The following KAZN variants were observed in gnomAD, a reference collection of about 807,000 sequenced individuals.
KAZN encodes kazrin, periplakin interacting protein.
KAZN carries 40 observed loss-of-function variants against 87.4 expected under a neutral mutation model. That is an observed-to-expected ratio of 0.46 (90% CI 0.36 to 0.60). KAZN has a LOEUF of 0.60. Ranked by LOEUF, KAZN falls within the 20% of genes least tolerant of loss-of-function variation. The pLI is 0.00. For synonymous variants in KAZN, 466 were observed against 458.3 expected (o/e 1.02, Z -0.22); for missense variants, 898 against 1,073.9 (o/e 0.84, Z 2.29).
intron 2 of KAZN, among the ~76,000 whole-genome samples, chr1:14,456,765 C>T (rs1667588035): frequency 6.6e-6 from 1 of 152,078 alleles, no homozygotes; most frequent in South Asian, 2.1e-4. Context: ...GTTATATGCC[C>T]ACAGGTAAAA....
rs1639815022 is a variant in KAZN, at chr1:15,077,582, G to C, written c.1222+11829G>C. On this transcript the variant is annotated intron_variant, in intron 8 of 14. Coordinates refer to ENST00000376030, the MANE Select transcript of KAZN (RefSeq NM_201628.3). This position sits in a 1 kb window ranked among gnomAD's most constrained non-coding sequence, Gnocchi z 4.8. ...CTCCGCAAGGGCTACACAGGACCAG[G>C]TCAGCTGCTTGCAGCCACGTGACTC... Among the ~76,000 whole-genome samples, 1 of 152,206 alleles carries C rather than the reference G, an allele frequency of 6.6e-6. No homozygotes were observed. The highest frequency in any genetic ancestry group is 1.5e-5 in the Non-Finnish European group (1 of 68,036).
intron 1 of KAZN, among the ~76,000 whole-genome samples, chr1:14,031,695 T>A (rs1480817953): frequency 1.3e-5 from 2 of 152,212 alleles, no homozygotes; most frequent in African/African-American, 2.4e-5. Context: ...ATTTTGATAT[T>A]TTGACCAATT....
In KAZN at chr1:14,220,194, C is replaced by T. The variant is rs149392375; in HGVS notation, c.249+39602C>T. The stretch of plus-strand genomic sequence containing the variant: ...TATGCAGTTAACATGGAAGTATCTA[C>T]GACACTCTTGCCTGTAGGAGCTCCA... On this transcript the variant is annotated intron_variant, in intron 2 of 16. Coordinates refer to the KAZN transcript ENST00000636203. 2.2e-3 allele frequency among the ~76,000 whole-genome samples: 330 copies of T among 152,198 alleles called. 1 individual carries two copies. Among genetic ancestry groups the T allele is most frequent in the Middle Eastern group, 6.8e-3 (2 of 294 alleles).
At chr1:14,619,202 G>GTT (rs35156508) in intron 1 of KAZN, among the ~76,000 whole-genome samples, 5 of 146,192 alleles carry the variant, frequency 3.4e-5, no homozygotes, top group Non-Finnish European at 6.0e-5. Flanking sequence ...ATCATTCTTG[G>GTT]TTTTTTTTTT....
At chr1:14,329,834 T>G (rs1656716523) in intron 2 of KAZN, among the ~76,000 whole-genome samples, 1 of 152,268 alleles carries the variant, frequency 6.6e-6, no homozygotes, top group African/African-American at 2.4e-5. Flanking sequence ...TGGGATTCAT[T>G]GCTCAGTAAG....
At chr1:14,978,681 A>C (rs1263350919) in intron 2 of KAZN, among the ~76,000 whole-genome samples, 1 of 152,066 alleles carries the variant, frequency 6.6e-6, no homozygotes, top group Admixed American at 6.5e-5. Context: ...AGCGCATCTC[A>C]GCCTCTGTGT....
intron 1 of KAZN, among the ~76,000 whole-genome samples, chr1:14,092,370 C>A (rs1331410408): frequency 6.7e-6 from 1 of 150,286 alleles, no homozygotes; most frequent in African/African-American, 2.4e-5. Flanking sequence ...GGATTATAGG[C>A]GTGAGCCACC....
At chr1:14,915,829 C>T (rs910855831) in intron 1 of KAZN, among the ~76,000 whole-genome samples, 8 of 152,102 alleles carry the variant, frequency 5.3e-5, no homozygotes, top group Non-Finnish European at 8.8e-5. Context: ...TTGAATGAGC[C>T]GGAAAGCACA....
intron 2 of KAZN, among the ~76,000 whole-genome samples, chr1:15,016,723 T>C (rs1462953992): frequency 2.6e-5 from 4 of 152,154 alleles, no homozygotes; most frequent in Admixed American, 6.5e-5. Context: ...TGGCCTTCGC[T>C]TCTAGAAAAT....
At chr1:14,201,331 A>T (rs1646635250) in intron 2 of KAZN, among the ~76,000 whole-genome samples, 1 of 152,152 alleles carries the variant, frequency 6.6e-6, no homozygotes, top group Admixed American at 6.5e-5. Context: ...TTATCAGTTG[A>T]TATTAGTAGT....
At chr1:14,868,289 A>T (rs971405502) in intron 1 of KAZN, among the ~76,000 whole-genome samples, 23 of 152,200 alleles carry the variant, frequency 1.5e-4, no homozygotes, top group African/African-American at 5.1e-4. Context: ...ACTGGAGGGG[A>T]ACTGTTCTTA....
At chr1:14,559,682 T>C (rs1674136716) in intron 2 of KAZN, among the ~76,000 whole-genome samples, 2 of 152,220 alleles carry the variant, frequency 1.3e-5, no homozygotes, top group African/African-American at 4.8e-5. Flanking sequence ...ATTTGTAGAC[T>C]TCAGTCCTTC....
At chr1:14,667,815 A>G (rs1639659201) in intron 1 of KAZN, among the ~76,000 whole-genome samples, 1 of 152,124 alleles carries the variant, frequency 6.6e-6, no homozygotes, top group African/African-American at 2.4e-5. Context: ...TCAAAAAAAA[A>G]AAAAAAGAAT....
intron 2 of KAZN, among the ~76,000 whole-genome samples, chr1:14,241,660 A>C (rs1007457309): frequency 6.6e-6 from 1 of 152,194 alleles, no homozygotes; most frequent in Non-Finnish European, 1.5e-5. Context: ...GGTAATGCAC[A>C]TTGCCATCCT....
intron 2 of KAZN, among the ~76,000 whole-genome samples, chr1:14,195,222 GCTGTTC>G (rs1428000301): frequency 2.6e-5 from 4 of 152,024 alleles, no homozygotes; most frequent in African/African-American, 7.2e-5. Context: ...CTTCTTCAAG[GCTGTTC>G]CTTCTTCAGC....
intron 1 of KAZN, among the ~76,000 whole-genome samples, chr1:14,941,394 C>T (rs2101640204): frequency 6.6e-6 from 1 of 152,294 alleles, no homozygotes; most frequent in East Asian, 1.9e-4. Flanking sequence ...AGAACATGGG[C>T]ACTCAGCCGA....
chr1:14,273,847 T>G (rs975979747), intron 2 of KAZN, among the ~76,000 whole-genome samples: 8 of 145,114 alleles, frequency 5.5e-5, no homozygotes, highest in Non-Finnish European at 1.2e-4. Context: ...TTTTTTTTTT[T>G]GATTATTCTC....
At chr1:14,959,432 G>A (rs1025351572) in intron 1 of KAZN, among the ~76,000 whole-genome samples, 1 of 152,136 alleles carries the variant, frequency 6.6e-6, no homozygotes, top group Admixed American at 6.5e-5. Context: ...TGGGAAGAGG[G>A]AGAGGATGTA....
Position 14,821,976 on chromosome 1 carries a change from G to A in KAZN, c.227-138708G>A, listed in dbSNP as rs114646232. On this transcript the variant is annotated intron_variant, in intron 1 of 14. Transcript: ENST00000376030. Reference sequence around the variant, plus strand: ...CCTCTTGCATCGTGAAATACTGACCGTCTCCCTGTCTGTAGATTTGGTTGT... The same window carrying A: ...CCTCTTGCATCGTGAAATACTGACCATCTCCCTGTCTGTAGATTTGGTTGT... Among the ~76,000 whole-genome samples, 663 of 152,286 alleles carry A rather than the reference G, an allele frequency of 4.4e-3. 3 individuals are homozygous for A. The highest frequency in any genetic ancestry group is 0.015 in the African/African-American group (614 of 41,556).
Sources: gnomAD v4.1 joint callset for allele counts (sites outside exome capture counted in the v4.1 genomes callset) on GRCh38, gnomAD v4.1.1 for gene constraint, Gnocchi (gnomAD v3.1) non-coding constraint, MANE v1.5 for transcripts, NCBI Gene and HGNC (gene_info 2026-07-23, HGNC 2026-07-21) for gene names.